Variants in NAALADL2 observed in about 807,000 individuals in gnomAD.
The protein encoded by NAALADL2 is inactive N-acetylated-alpha-linked acidic dipeptidase-like protein 2.
A neutral mutation model predicts 87.2 loss-of-function variants in NAALADL2; 76 were observed. The observed-to-expected ratio is 0.87, with a 90% CI of 0.72 to 1.05. NAALADL2 has a LOEUF of 1.05. Ranked by LOEUF, NAALADL2 falls within the 50% of genes least tolerant of loss-of-function variation. NAALADL2 has a pLI of 0.00. For synonymous variants in NAALADL2, 354 were observed against 331.0 expected (o/e 1.07, Z -0.75); for missense variants, 1,089 against 945.8 (o/e 1.15, Z -1.99).
At chr3:175,064,486 C>G (rs796335879) in intron 1 of NAALADL2, among the ~76,000 whole-genome samples, 3 of 151,336 alleles carry the variant, frequency 2.0e-5, no homozygotes, top group Admixed American at 6.6e-5. Flanking sequence ...CTGCCCTCTC[C>G]CTAAAGGGCA....
At position 174,898,005 on chromosome 3, in the gene NAALADL2, T is replaced by G. The variant is rs1304949031; in HGVS notation, c.43+38555T>G. Among the ~76,000 whole-genome samples, 2 of 133,058 alleles carry G rather than the reference T, an allele frequency of 1.5e-5. 1 individual carries two copies. The highest frequency in any genetic ancestry group is 6.3e-5 in the African/African-American group (2 of 31,592). 87.3% of individuals were successfully genotyped at this position (133,058 alleles called of 152,430 possible). Reference sequence around the variant, plus strand: ...GCGGGCGCCTGTAGTCCCAGCTACTTGGGAGGCTGAGGCAGGAGAATGGCG... The same window carrying G: ...GCGGGCGCCTGTAGTCCCAGCTACTGGGGAGGCTGAGGCAGGAGAATGGCG... On this transcript the variant is annotated intron_variant, in intron 1 of 13. Transcript: ENST00000454872.
At chr3:175,397,321 A>C (rs1037118402) in intron 5 of NAALADL2, 2 of 152,142 alleles carry the variant, frequency 1.3e-5, no homozygotes, top group African/African-American at 4.8e-5. Flanking sequence ...CATTCCAATT[A>C]TAGTACATGT....
At chr3:175,341,010 T>C (rs1331110752) in intron 5 of NAALADL2, among the ~76,000 whole-genome samples, 2 of 151,906 alleles carry the variant, frequency 1.3e-5, no homozygotes, top group Non-Finnish European at 2.9e-5. Context: ...TTTTTTTTTT[T>C]AATGAGATAT....
chr3:175,696,460 A>C (rs747363606), intron 11 of NAALADL2, among the ~76,000 whole-genome samples: 2 of 152,142 alleles, frequency 1.3e-5, no homozygotes, highest in Non-Finnish European at 2.9e-5. Flanking sequence ...GATGTAGGGA[A>C]CAACTGAGAT....
At chr3:174,506,602 A>C (rs1196668481) in intron 1 of NAALADL2, among the ~76,000 whole-genome samples, 1 of 152,162 alleles carries the variant, frequency 6.6e-6, no homozygotes, top group East Asian at 1.9e-4. Context: ...TTTAATGTCT[A>C]TCTGATTATA....
At chr3:175,547,814 TG>T (rs34783189) in intron 9 of NAALADL2, among the ~76,000 whole-genome samples, 96,455 of 151,896 alleles carry the variant, frequency 0.64, 31,969 homozygotes, top group East Asian at 0.86. Context: ...TCAACATCAC[TG>T]ATCATTAGAG....
intron 13 of NAALADL2, among the ~76,000 whole-genome samples, chr3:175,771,336 C>G (rs1354410034): frequency 6.6e-6 from 1 of 152,116 alleles, no homozygotes; most frequent in Non-Finnish European, 1.5e-5. Flanking sequence ...CTACGTAAAT[C>G]AAAGGTTTTG....
intron 3 of NAALADL2, among the ~76,000 whole-genome samples, chr3:174,841,045 A>AAAGAAG (rs796160139): frequency 1.3e-5 from 2 of 149,322 alleles, no homozygotes; most frequent in African/African-American, 5.1e-5. Flanking sequence ...TATTAAAAAA[A>AAAGAAG]AAGAAGAAGA....
chr3:175,173,632 A>C (rs552299898), intron 2 of NAALADL2, among the ~76,000 whole-genome samples: 1 of 152,348 alleles, frequency 6.6e-6, no homozygotes, highest in African/African-American at 2.4e-5. Context: ...TGGGCCATCT[A>C]CTGGTGTCCT....
chr3:174,996,389 C>A (rs1165033507), intron 1 of NAALADL2, among the ~76,000 whole-genome samples: 1 of 151,042 alleles, frequency 6.6e-6, no homozygotes, highest in South Asian at 2.1e-4. Context: ...CTCAGCTACT[C>A]GGGAGGCTGA....
chr3:175,510,888 A>T (rs1731055544), intron 9 of NAALADL2, among the ~76,000 whole-genome samples: 1 of 152,128 alleles, frequency 6.6e-6, no homozygotes, highest in African/African-American at 2.4e-5. Flanking sequence ...AGAGTAATGG[A>T]CTTAACATGT....
At chr3:174,612,117 C>T (rs533795295) in intron 2 of NAALADL2, among the ~76,000 whole-genome samples, 3 of 152,204 alleles carry the variant, frequency 2.0e-5, no homozygotes, top group East Asian at 1.9e-4. Context: ...TGTATTGCTG[C>T]TCTCTCCTGG....
At chr3:175,088,456 C>T (rs1353006259) in intron 1 of NAALADL2, among the ~76,000 whole-genome samples, 4 of 152,076 alleles carry the variant, frequency 2.6e-5, no homozygotes, top group Non-Finnish European at 4.4e-5. Flanking sequence ...AAAGCTATTT[C>T]GGAAAATAAA....
chr3:175,702,903 C>T (rs1302460121), intron 11 of NAALADL2, among the ~76,000 whole-genome samples: 1 of 151,278 alleles, frequency 6.6e-6, no homozygotes, highest in African/African-American at 2.4e-5. Flanking sequence ...AAAAGAAATG[C>T]ACTTGAGGAA....
chr3:174,527,350 C>T (rs1720861048), intron 1 of NAALADL2, among the ~76,000 whole-genome samples: 1 of 151,848 alleles, frequency 6.6e-6, no homozygotes, highest in Non-Finnish European at 1.5e-5. Context: ...GAAACTCTGT[C>T]TCTACTAAAA....
chr3:174,509,371 A>C (rs1420640019), intron 1 of NAALADL2, among the ~76,000 whole-genome samples: 1 of 150,378 alleles, frequency 6.6e-6, no homozygotes, highest in Non-Finnish European at 1.5e-5. Flanking sequence ...GGAGAGAGAG[A>C]GAGAGCGAGC....
At chr3:174,965,056 T>G (rs1742673471) in intron 1 of NAALADL2, among the ~76,000 whole-genome samples, 1 of 152,030 alleles carries the variant, frequency 6.6e-6, no homozygotes, top group African/African-American at 2.4e-5. Context: ...AAATTCTAAT[T>G]TAGTTGGCTG....
chr3:175,769,847 C>T (rs188625057), intron 13 of NAALADL2, among the ~76,000 whole-genome samples: 2 of 152,096 alleles, frequency 1.3e-5, no homozygotes, highest in Non-Finnish European at 2.9e-5. Context: ...GCTGACAGCT[C>T]AGGGAAGAGT....
chr3:175,538,325 AG>A (rs1329702451), intron 9 of NAALADL2, among the ~76,000 whole-genome samples: 3 of 152,118 alleles, frequency 2.0e-5, no homozygotes, highest in African/African-American at 4.8e-5. Flanking sequence ...AACCTAAAAC[AG>A]GGTATAAAAT....
Sources: allele counts gnomAD v4.1 joint callset (sites outside exome capture counted in the v4.1 genomes callset), GRCh38; gene constraint gnomAD v4.1.1; transcripts MANE v1.5; gene names NCBI Gene and HGNC (gene_info 2026-07-23, HGNC 2026-07-21).